Variants in RHOA observed in about 807,000 individuals in gnomAD.
The protein encoded by RHOA is transforming protein RhoA.
In RHOA, 3 loss-of-function variants were observed where a neutral mutation model predicts 17.5. The ratio of observed to expected loss-of-function variants is 0.17; its 90% CI spans 0.08 to 0.44. The LOEUF (loss-of-function observed/expected upper bound fraction) is 0.44, where lower values mean the gene tolerates loss of function less well. Among genes scored for constraint, RHOA ranks in the 20% least tolerant of loss-of-function variants. The pLI, the probability that RHOA is intolerant of heterozygous loss-of-function variation, is 0.99. For missense variants in RHOA, 56 were observed against 242.3 expected, an observed-to-expected ratio of 0.23 and a Z score of 5.10; for synonymous variants, 98 against 88.4, an observed-to-expected ratio of 1.11 and a Z score of -0.61.
Position 49,359,914 on chromosome 3 carries a change from TTC to T in RHOA, c.*293_*294del, listed in dbSNP as rs2047932441. The stretch of plus-strand genomic sequence containing the variant: ...CTAATTCACAAAAGTTACCAACTGT[TTC>T]TCTTTCTAGAAAGAAGCAAGAAGTT... On this transcript the variant is annotated 3_prime_UTR_variant, in exon 5 of 5. Transcript: ENST00000418115. The T allele has an allele frequency of 1.1e-5, 4 of 355,350 alleles. No homozygotes were observed. In the East Asian group the frequency reaches 1.8e-4, roughly 16 times the overall value. The allele number at this position is 355,350 out of a possible 1,614,324, so 22.0% of individuals were successfully genotyped here.
chr3:49,379,058 G>A (rs1368748926), intron 1 of RHOA, among the ~76,000 whole-genome samples: 1 of 152,052 alleles, frequency 6.6e-6, no homozygotes, highest in African/African-American at 2.4e-5. Flanking sequence ...AAAAACATAT[G>A]TCCACATAAC....
chr3:49,395,175 C>T (rs2048592929), intron 1 of RHOA, among the ~76,000 whole-genome samples: 4 of 151,064 alleles, frequency 2.6e-5, no homozygotes, highest in Middle Eastern at 3.4e-3. Flanking sequence ...GACGTGAACC[C>T]GGGAGGCGGA....
At chr3:49,385,004 A>G (rs1320614119) in intron 1 of RHOA, among the ~76,000 whole-genome samples, 1 of 148,078 alleles carries the variant, frequency 6.8e-6, no homozygotes, top group East Asian at 2.1e-4. Context: ...CGGAGGTTGC[A>G]GTGAGCTGAG....
Position 49,368,553 on chromosome 3 carries a change from A to T in RHOA, c.157-5T>A, listed in dbSNP as rs201776720. ...GTCCCACAAAGCCAACTCTACCTGTAATGGGAAAAACAACCACAAGAGTGC... is the reference window on the plus strand; with the variant it reads ...GTCCCACAAAGCCAACTCTACCTGTTATGGGAAAAACAACCACAAGAGTGC... On this transcript the variant is annotated splice_region_variant and splice_polypyrimidine_tract_variant and intron_variant, in intron 2 of 4. Coordinates refer to ENST00000418115, the MANE Select transcript of RHOA (RefSeq NM_001664.4). 864 of 1,613,992 alleles carry T rather than the reference A, an allele frequency of 5.4e-4. 1 individual carries two copies. The highest frequency in any genetic ancestry group is 6.3e-4 in the Non-Finnish European group (749 of 1,179,962).
At chr3:49,404,948 A>T (rs1460773803) in intron 1 of RHOA, among the ~76,000 whole-genome samples, 12 of 147,452 alleles carry the variant, frequency 8.1e-5, no homozygotes, top group Admixed American at 7.6e-4. Context: ...TCCAAAAAAA[A>T]AAATAATAAA....
chr3:49,363,419 T>TA (rs1341652936), intron 3 of RHOA, among the ~76,000 whole-genome samples: 4 of 151,086 alleles, frequency 2.6e-5, no homozygotes, highest in Non-Finnish European at 4.4e-5. Flanking sequence ...CCGTCTCAAA[T>TA]AAAAAAAAGT....
At chr3:49,389,275 A>G (rs976920817) in intron 1 of RHOA, among the ~76,000 whole-genome samples, 18 of 151,946 alleles carry the variant, frequency 1.2e-4, no homozygotes, top group Non-Finnish European at 2.5e-4. Context: ...AGATTGTGAC[A>G]TTGCGCTCCA....
intron 2 of RHOA, among the ~76,000 whole-genome samples, 165 bp from the exon 3 acceptor site, chr3:49,368,713 T>C (rs574114132): frequency 7.5e-5 from 11 of 147,164 alleles, no homozygotes; most frequent in Admixed American, 5.4e-4. Flanking sequence ...TTTTCTTTTT[T>C]TTTTTTTTTT....
chr3:49,376,546 G>A (rs2048230438), intron 1 of RHOA, among the ~76,000 whole-genome samples: 1 of 151,208 alleles, frequency 6.6e-6, no homozygotes, highest in African/African-American at 2.4e-5. Flanking sequence ...GGGAGGCTGA[G>A]GCAGGAGAAT....
At chr3:49,409,212 C>G (rs1439115581) in intron 1 of RHOA, among the ~76,000 whole-genome samples, 2 of 151,394 alleles carry the variant, frequency 1.3e-5, no homozygotes, top group Non-Finnish European at 2.9e-5. Context: ...CTGGCCAACA[C>G]GGTGAAACCC....
intron 1 of RHOA, among the ~76,000 whole-genome samples, chr3:49,382,964 G>GA (rs2048340716): frequency 6.6e-6 from 1 of 151,858 alleles, no homozygotes; most frequent in African/African-American, 2.4e-5. Flanking sequence ...TGAGGCAGGA[G>GA]AATCACTTGA....
chr3:49,379,919 AAG>A (rs1488437978), intron 1 of RHOA, among the ~76,000 whole-genome samples: 2 of 152,218 alleles, frequency 1.3e-5, no homozygotes, highest in Non-Finnish European at 1.5e-5. Context: ...GGGGGGAAAA[AAG>A]AGAGAAATCT....
At chr3:49,402,930 G>C (rs1220397343) in intron 1 of RHOA, among the ~76,000 whole-genome samples, 1 of 151,868 alleles carries the variant, frequency 6.6e-6, no homozygotes, top group East Asian at 1.9e-4. Context: ...CCAGCTACTC[G>C]GGAGGCTGAA....
At chr3:49,408,498 G>A (rs1028722380) in intron 1 of RHOA, among the ~76,000 whole-genome samples, 2 of 152,124 alleles carry the variant, frequency 1.3e-5, no homozygotes, top group Admixed American at 1.3e-4. Flanking sequence ...CAGCTTCAGT[G>A]CCTGATTTTC....
chr3:49,370,864 C>T (rs1166858086), intron 2 of RHOA, among the ~76,000 whole-genome samples: 3 of 152,200 alleles, frequency 2.0e-5, no homozygotes, highest in South Asian at 4.1e-4. Flanking sequence ...AGCACCTTCA[C>T]AGCCCAAATT....
intron 1 of RHOA, among the ~76,000 whole-genome samples, chr3:49,407,140 T>C (rs1331099227): frequency 2.0e-5 from 3 of 151,590 alleles, no homozygotes; most frequent in Non-Finnish European, 4.4e-5. Flanking sequence ...TGAGACCCTG[T>C]CTCAAGAGAA....
At chr3:49,403,068 G>A (rs561235195) in intron 1 of RHOA, among the ~76,000 whole-genome samples, 23 of 150,766 alleles carry the variant, frequency 1.5e-4, no homozygotes, top group Non-Finnish European at 2.5e-4. Flanking sequence ...CCCGCCGAGC[G>A]CGGTGGCTCA....
chr3:49,368,672 G>T, intron 2 of RHOA, 124 bp from the exon 3 acceptor site: 36 of 823,206 alleles, frequency 4.4e-5, no homozygotes, highest in Non-Finnish European at 6.6e-5. Flanking sequence ...GTCTAAAACA[G>T]TAAAACACAG....
intron 1 of RHOA, among the ~76,000 whole-genome samples, chr3:49,401,385 G>A (rs982089676): frequency 6.6e-6 from 1 of 151,986 alleles, no homozygotes; most frequent in Non-Finnish European, 1.5e-5. Context: ...AGGCAAGGTA[G>A]CTTATGCCTA....
Sources: gnomAD v4.1 joint callset for allele counts (sites outside exome capture counted in the v4.1 genomes callset) on GRCh38, gnomAD v4.1.1 for gene constraint, MANE v1.5 for transcripts, NCBI Gene and HGNC (gene_info 2026-07-23, HGNC 2026-07-21) for gene names.